CTNNA2: variants seen among roughly 807,000 people sequenced by gnomAD.
CTNNA2 encodes the protein catenin alpha 2.
Under a neutral mutation model 101.0 loss-of-function variants are expected in CTNNA2, and 42 were observed. The ratio of observed to expected loss-of-function variants is 0.42; its 90% CI spans 0.32 to 0.54. The LOEUF is 0.54. Ranked by LOEUF, CTNNA2 falls within the 20% of genes least tolerant of loss-of-function variation. The probability of loss-of-function intolerance (pLI) is 0.14; values close to 1 mark genes in which losing one functional copy is unlikely to be tolerated. For synonymous variants in CTNNA2, 450 were observed against 456.4 expected, an observed-to-expected ratio of 0.99 and a Z score of 0.18; for missense variants, 871 against 1,223.1, an observed-to-expected ratio of 0.71 and a Z score of 4.29.
At chr2:79,943,154 T>C (rs1688274302) in intron 7 of CTNNA2, among the ~76,000 whole-genome samples, 1 of 151,952 alleles carries the variant, frequency 6.6e-6, no homozygotes, top group Non-Finnish European at 1.5e-5. Flanking sequence ...GAGGTGGAGG[T>C]TGCAGTGAGC....
At chr2:79,749,592 G>A (rs887100899) in intron 3 of CTNNA2, among the ~76,000 whole-genome samples, 4 of 152,082 alleles carry the variant, frequency 2.6e-5, no homozygotes, top group East Asian at 3.9e-4. Flanking sequence ...TGAGGCACTC[G>A]GCATGGTCCT....
chr2:79,458,527 T>C (rs1253560275), intron 4 of CTNNA2, among the ~76,000 whole-genome samples: 1 of 152,128 alleles, frequency 6.6e-6, no homozygotes, highest in African/African-American at 2.4e-5. Flanking sequence ...CACTCACTTA[T>C]TTTTTCATCA....
chr2:80,365,845 T>C (rs1040500930), intron 7 of CTNNA2, among the ~76,000 whole-genome samples: 1 of 152,162 alleles, frequency 6.6e-6, no homozygotes. Context: ...TACAGTAGCA[T>C]TGTAATTAAG....
At chr2:80,457,067 T>A (rs1684040854) in intron 9 of CTNNA2, among the ~76,000 whole-genome samples, 1 of 151,466 alleles carries the variant, frequency 6.6e-6, no homozygotes, top group African/African-American at 2.4e-5. Context: ...TCATTATACA[T>A]TTTTTTTTAA....
At chr2:80,507,141 C>T (rs2149544110) in intron 9 of CTNNA2, among the ~76,000 whole-genome samples, 1 of 152,258 alleles carries the variant, frequency 6.6e-6, no homozygotes, top group South Asian at 2.1e-4. Flanking sequence ...CCATTTCGTT[C>T]CCTAGTCTCC....
intron 2 of CTNNA2, among the ~76,000 whole-genome samples, chr2:79,735,495 A>G (rs1293461244): frequency 6.6e-6 from 1 of 152,150 alleles, no homozygotes; most frequent in Non-Finnish European, 1.5e-5. Context: ...GGCCATTCAT[A>G]TTGGCCATAA....
intron 2 of CTNNA2, among the ~76,000 whole-genome samples, chr2:79,276,117 A>G (rs1384065045): frequency 6.6e-6 from 1 of 152,118 alleles, no homozygotes; most frequent in East Asian, 1.9e-4. Flanking sequence ...GCAAATATGC[A>G]AGAATGTTAA....
chr2:79,491,859 A>G (rs1300858633), intron 4 of CTNNA2, among the ~76,000 whole-genome samples: 2 of 152,168 alleles, frequency 1.3e-5, no homozygotes, highest in Non-Finnish European at 2.9e-5. Flanking sequence ...TAAAAATCTG[A>G]TTCAAGTACC....
At chr2:79,393,438 C>T (rs1327629389) in intron 4 of CTNNA2, among the ~76,000 whole-genome samples, 1 of 152,022 alleles carries the variant, frequency 6.6e-6, no homozygotes, top group Non-Finnish European at 1.5e-5. Context: ...TATGTTTTGC[C>T]TATGGCTTCT....
chr2:79,619,327 T>A (rs1219751733), intron 1 of CTNNA2, among the ~76,000 whole-genome samples: 2 of 152,164 alleles, frequency 1.3e-5, no homozygotes, highest in African/African-American at 4.8e-5. Context: ...GGCCAGGTCC[T>A]CCACCAAGAG....
chr2:80,042,420 T>C (rs1696128431), intron 7 of CTNNA2, among the ~76,000 whole-genome samples: 1 of 152,224 alleles, frequency 6.6e-6, no homozygotes, highest in Non-Finnish European at 1.5e-5. Context: ...TATATACTTA[T>C]TTTTATTGAC....
chr2:80,101,374 T>C (rs896074870), intron 7 of CTNNA2, among the ~76,000 whole-genome samples: 4 of 152,220 alleles, frequency 2.6e-5, no homozygotes, highest in African/African-American at 9.6e-5. Context: ...ATTATGATTT[T>C]AATCTGCCAA....
chr2:79,555,569 T>C (rs1674391750), intron 1 of CTNNA2, among the ~76,000 whole-genome samples: 1 of 152,180 alleles, frequency 6.6e-6, no homozygotes, highest in Non-Finnish European at 1.5e-5. Flanking sequence ...TATTTTATTC[T>C]CAAATGCTAT....
intron 2 of CTNNA2, among the ~76,000 whole-genome samples, chr2:79,239,569 T>C (rs985734731): frequency 3.9e-5 from 6 of 152,102 alleles, no homozygotes; most frequent in Non-Finnish European, 7.4e-5. Context: ...AAGACTTAAG[T>C]GTAAAACCCA....
chr2:79,706,335 C>T (rs1319595991), intron 2 of CTNNA2, among the ~76,000 whole-genome samples: 1 of 147,782 alleles, frequency 6.8e-6, no homozygotes, highest in Non-Finnish European at 1.5e-5. Context: ...TGCACTCCGC[C>T]CTGGGCGACA....
intron 1 of CTNNA2, among the ~76,000 whole-genome samples, chr2:79,518,975 T>C (rs1671954241): frequency 6.6e-6 from 1 of 152,082 alleles, no homozygotes. Context: ...ATGCCTGTAA[T>C]CCCAGCACTT....
chr2:79,524,469 T>C (rs1034079427), intron 1 of CTNNA2, among the ~76,000 whole-genome samples: 3 of 151,926 alleles, frequency 2.0e-5, no homozygotes, highest in African/African-American at 7.2e-5. Context: ...CGTGCCCTTG[T>C]GTTTTTCTTA....
At chr2:80,379,800 A>C (rs1676324111) in intron 7 of CTNNA2, among the ~76,000 whole-genome samples, 1 of 152,170 alleles carries the variant, frequency 6.6e-6, no homozygotes, top group African/African-American at 2.4e-5. Flanking sequence ...AGAGATACTG[A>C]AACAGAGTAT....
At chr2:79,908,460 A>G (rs1277401155) in intron 6 of CTNNA2, among the ~76,000 whole-genome samples, 1 of 152,136 alleles carries the variant, frequency 6.6e-6, no homozygotes, top group Non-Finnish European at 1.5e-5. Flanking sequence ...AATGAAGCAC[A>G]CCATTTCCTG....
Sources: gnomAD v4.1 joint callset for allele counts (sites outside exome capture counted in the v4.1 genomes callset) on GRCh38, gnomAD v4.1.1 for gene constraint, MANE v1.5 for transcripts, NCBI Gene and HGNC (gene_info 2026-07-23, HGNC 2026-07-21) for gene names.